The following ASTN2 variants were observed in gnomAD, a reference collection of about 807,000 sequenced individuals.
ASTN2 encodes astrotactin 2.
ASTN2 carries 54 observed loss-of-function variants against 139.8 expected under a neutral mutation model. That is an observed-to-expected ratio of 0.39 (90% CI 0.31 to 0.48). ASTN2 has a LOEUF of 0.48. Among genes scored for constraint, ASTN2 ranks in the 20% least tolerant of loss-of-function variants. The probability of loss-of-function intolerance (pLI) is 0.95; values close to 1 mark genes in which losing one functional copy is unlikely to be tolerated. For missense variants in ASTN2, 1,565 were observed against 1,725.1 expected, an observed-to-expected ratio of 0.91 and a Z score of 1.64; for synonymous variants, 756 against 719.5, an observed-to-expected ratio of 1.05 and a Z score of -0.81.
At chr9:117,172,777 G>A (rs1046295806) in intron 3 of ASTN2, among the ~76,000 whole-genome samples, 3 of 152,176 alleles carry the variant, frequency 2.0e-5, no homozygotes, top group Non-Finnish European at 4.4e-5. Context: ...AGGGCATACT[G>A]TTTGAGTGCC....
chr9:117,318,671 C>A (rs773871404), intron 1 of ASTN2, among the ~76,000 whole-genome samples: 1 of 152,108 alleles, frequency 6.6e-6, no homozygotes, highest in Non-Finnish European at 1.5e-5. Flanking sequence ...GACCTGGCCA[C>A]CAAATATGAA....
intron 13 of ASTN2, among the ~76,000 whole-genome samples, chr9:116,767,385 A>G (rs953959346): frequency 1.3e-5 from 2 of 152,222 alleles, no homozygotes; most frequent in African/African-American, 4.8e-5. Context: ...TTAATTAAGC[A>G]TGCCACCCAG....
At chr9:116,499,470 A>G (rs896697553) in intron 19 of ASTN2, among the ~76,000 whole-genome samples, 1 of 152,158 alleles carries the variant, frequency 6.6e-6, no homozygotes, top group African/African-American at 2.4e-5. Context: ...TTCACCTGGC[A>G]AAGTTTAGGG....
chr9:116,808,298 T>C (rs1238564031), intron 12 of ASTN2, among the ~76,000 whole-genome samples: 1 of 151,996 alleles, frequency 6.6e-6, no homozygotes, highest in Non-Finnish European at 1.5e-5. Flanking sequence ...TGTGTGTGTG[T>C]GTGTGTGTGT....
intron 10 of ASTN2, among the ~76,000 whole-genome samples, chr9:116,972,802 A>T (rs574621970): frequency 6.6e-6 from 1 of 152,308 alleles, no homozygotes; most frequent in African/African-American, 2.4e-5. Flanking sequence ...CTTGCAGTGC[A>T]CGTTCAAGTT....
At chr9:116,976,606 C>T in intron 8 of ASTN2, 95 bp downstream of exon 8, 1 of 1,051,542 alleles carries the variant, frequency 9.5e-7, no homozygotes, top group Non-Finnish European at 1.4e-6. Flanking sequence ...AGAAAGAGTC[C>T]TCTTTGTGGA....
intron 3 of ASTN2, among the ~76,000 whole-genome samples, chr9:117,164,945 T>A (rs894040200): frequency 6.6e-6 from 1 of 152,104 alleles, no homozygotes; most frequent in Non-Finnish European, 1.5e-5. Context: ...TAACTTCTTA[T>A]TATGGCCATT....
At chr9:116,986,556 AG>A (rs1836689090) in intron 7 of ASTN2, among the ~76,000 whole-genome samples, 1 of 152,174 alleles carries the variant, frequency 6.6e-6, no homozygotes. Context: ...GTGAAAAGGG[AG>A]GGTAACAATA....
In ASTN2 at chr9:116,424,185, G is replaced by A. The variant is rs936713484; in HGVS notation, c.*1666C>T. Among the ~76,000 whole-genome samples, 1 of 152,070 alleles carries A rather than the reference G, an allele frequency of 6.6e-6. No individual in the cohort carries two copies. Among genetic ancestry groups the A allele is most frequent in the African/African-American group, 2.4e-5 (1 of 41,400 alleles). ...AAGCAGTGCAATTACCATTTAAAAG[G>A]ATATTTCAATGATACCTCAATAAAG... On this transcript the variant is annotated 3_prime_UTR_variant, in exon 23 of 23. Coordinates refer to ENST00000313400, the MANE Select transcript of ASTN2 (RefSeq NM_001365068.1).
intron 10 of ASTN2, among the ~76,000 whole-genome samples, chr9:116,941,658 T>C (rs991693200): frequency 1.3e-5 from 2 of 150,816 alleles, no homozygotes; most frequent in Admixed American, 1.3e-4. Context: ...TAATTGAGCA[T>C]CTCCATGGGC....
intron 3 of ASTN2, among the ~76,000 whole-genome samples, chr9:117,182,326 G>GACACACAC (rs35259944): frequency 1.3e-5 from 2 of 149,184 alleles, no homozygotes; most frequent in African/African-American, 2.5e-5. Context: ...CACAGACACA[G>GACACACAC]ACACACACAC....
chr9:117,205,402 C>A (rs1831884166), intron 3 of ASTN2, among the ~76,000 whole-genome samples: 2 of 152,130 alleles, frequency 1.3e-5, no homozygotes, highest in Non-Finnish European at 2.9e-5. Flanking sequence ...CTAATCCTCC[C>A]ATTAACCCTT....
chr9:117,298,695 C>CATATATAT (rs1465675701), intron 1 of ASTN2, among the ~76,000 whole-genome samples: 3 of 63,044 alleles, frequency 4.8e-5, no homozygotes, highest in Admixed American at 2.0e-4. Flanking sequence ...TATATATGTG[C>CATATATAT]ATATGTATGT....
At chr9:116,685,369 T>G (rs1357053124) in intron 16 of ASTN2, among the ~76,000 whole-genome samples, 1 of 152,150 alleles carries the variant, frequency 6.6e-6, no homozygotes, top group East Asian at 1.9e-4. Flanking sequence ...ATGACTTGAG[T>G]AATCATAAAA....
At chr9:116,461,627 G>A (rs1186949391) in intron 20 of ASTN2, among the ~76,000 whole-genome samples, 4 of 151,912 alleles carry the variant, frequency 2.6e-5, no homozygotes, top group South Asian at 2.1e-4. Flanking sequence ...TTAAGATTTC[G>A]TATGCCTTCT....
intron 13 of ASTN2, among the ~76,000 whole-genome samples, chr9:116,794,940 C>A (rs1269142950): frequency 6.6e-6 from 1 of 152,106 alleles, no homozygotes; most frequent in Non-Finnish European, 1.5e-5. Flanking sequence ...AGTGGCACTT[C>A]TATGCTTATC....
At chr9:116,920,322 G>A (rs899918278) in intron 10 of ASTN2, among the ~76,000 whole-genome samples, 1 of 152,168 alleles carries the variant, frequency 6.6e-6, no homozygotes, top group Non-Finnish European at 1.5e-5. Context: ...AATTTTAGTG[G>A]CTTAAAAGCA....
At chr9:116,742,778 T>TA (rs35148940) in intron 13 of ASTN2, among the ~76,000 whole-genome samples, 111,722 of 151,930 alleles carry the variant, frequency 0.74, 41,241 homozygotes, top group East Asian at 0.86. Context: ...ATATGTCAAT[T>TA]AAAATATAAA....
intron 10 of ASTN2, among the ~76,000 whole-genome samples, chr9:116,924,740 C>CA (rs902242709): frequency 2.0e-5 from 3 of 152,126 alleles, no homozygotes; most frequent in Admixed American, 6.5e-5. Flanking sequence ...GACCAGAGGT[C>CA]ACTTTTGTGG....
Sources: allele counts gnomAD v4.1 joint callset (sites outside exome capture counted in the v4.1 genomes callset), GRCh38; gene constraint gnomAD v4.1.1; transcripts MANE v1.5; gene names NCBI Gene and HGNC (gene_info 2026-07-23, HGNC 2026-07-21).